The following VPS33B variants were observed in gnomAD, a reference collection of about 807,000 sequenced individuals.
VPS33B encodes the protein vacuolar protein sorting-associated protein 33B.
VPS33B carries 80 observed loss-of-function variants against 95.3 expected under a neutral mutation model. The ratio of observed to expected loss-of-function variants is 0.84; its 90% CI spans 0.70 to 1.01. VPS33B has a LOEUF of 1.01. VPS33B is among the 50% of genes least tolerant of loss of function. The pLI, the probability that VPS33B is intolerant of heterozygous loss-of-function variation, is 0.00. For synonymous variants in VPS33B, 280 were observed against 280.4 expected (o/e 1.00, Z 0.01); for missense variants, 715 against 773.4 (o/e 0.92, Z 0.90).
Position 91,010,918 on chromosome 15 carries a change from T to C in VPS33B, c.358-1072A>G, listed in dbSNP as rs76935633. ...CTAGATGAAACGATGAAGGTGGAGA[T>C]GAGGAAGCAGAAGCAGTGACAATAG... On this transcript the variant is annotated intron_variant, in intron 5 of 22. Transcript: ENST00000333371. The surrounding 1 kb of genome is among the most constrained non-coding windows in gnomAD (Gnocchi z 5.7). Among the ~76,000 whole-genome samples the C allele has an allele frequency of 0.094, 14,328 of 151,910 alleles. 758 individuals carry two copies. Among genetic ancestry groups the C allele is most frequent in the South Asian group, 0.13 (644 of 4,814 alleles).
Position 91,022,321 on chromosome 15 carries a change from A to C in VPS33B, c.-72T>G. The C allele has an allele frequency of 2.1e-6, 3 of 1,451,872 alleles. No individual in the cohort carries two copies. Among genetic ancestry groups the C allele is most frequent in the Non-Finnish European group, 2.8e-6 (3 of 1,080,574 alleles). 89.9% of individuals were successfully genotyped at this position (1,451,872 alleles called of 1,614,324 possible). On this transcript the variant is annotated 5_prime_UTR_variant, in exon 1 of 23. Coordinates refer to ENST00000333371, the MANE Select transcript of VPS33B (RefSeq NM_018668.5). ...GAGAAGGCCGGCCGCAGCCCAGGGA[A>C]GCGCAAGGGGGGCTATCCTTCAGGC...
At position 91,002,046 on chromosome 15, in the gene VPS33B, T is replaced by G; in HGVS notation, c.1405+4A>C. 1 of 1,613,778 alleles carries G rather than the reference T, an allele frequency of 6.2e-7. No homozygotes were observed. Among genetic ancestry groups the G allele is most frequent in the Non-Finnish European group, 8.5e-7 (1 of 1,180,028 alleles). On this transcript the variant is annotated splice_donor_region_variant and intron_variant, in intron 18 of 22. Coordinates refer to ENST00000333371, the MANE Select transcript of VPS33B (RefSeq NM_018668.5). This position sits in a 1 kb window ranked among gnomAD's most constrained non-coding sequence, Gnocchi z 4.7. ...AGCAGGGGTCACTTGTGCTCCCTGC[T>G]TACCTGCAGCCTTGTCGGTCACCAG...
At position 91,001,447 on chromosome 15, in the gene VPS33B, G is replaced by C. The variant is rs752374405; in HGVS notation, c.1421C>G (p.Ala474Gly). Residue 474 changes from alanine (A) to glycine (G), a missense_variant, in exon 19 of 23, where the codon GCC (alanine) becomes GGC (glycine). By Grantham distance (60) the Ala-to-Gly change is moderately conservative (BLOSUM62 0). Transcript: ENST00000333371. ...GCTCCTCTTGGCCAGAGAACTGAAGGCATCAGTAATCTTTCCTGGGGAAGA... is the reference window on the plus strand; with the variant it reads ...GCTCCTCTTGGCCAGAGAACTGAAGCCATCAGTAATCTTTCCTGGGGAAGA... ...TDKAAGKITDAFSSLAKRSNF... is the reference protein window; with the variant it reads ...TDKAAGKITDGFSSLAKRSNF... The C allele has an allele frequency of 5.0e-6, 8 of 1,614,016 alleles. No homozygotes were observed. The highest frequency in any genetic ancestry group is 6.8e-6 in the Non-Finnish European group (8 of 1,179,922).
chr15:91,016,927 A>G, intron 3 of VPS33B, 36 bp downstream of exon 3: 1 of 1,610,956 alleles, frequency 6.2e-7, no homozygotes, highest in Non-Finnish European at 8.5e-7. Context: ...GACCTCTTCC[A>G]GCTTGGAGTA....
intron 1 of VPS33B, among the ~76,000 whole-genome samples, chr15:91,021,072 C>T (rs2041088156): frequency 6.6e-6 from 1 of 152,074 alleles, no homozygotes; most frequent in Non-Finnish European, 1.5e-5. Flanking sequence ...ATCAACTTCC[C>T]CCATCAAACC....
Position 91,009,224 on chromosome 15 carries a change from G to C in VPS33B, c.403+577C>G, listed in dbSNP as rs189098501. 6.6e-5 allele frequency among the ~76,000 whole-genome samples: 10 copies of C among 152,168 alleles called. No homozygotes were observed. Among genetic ancestry groups the C allele is most frequent in the African/African-American group, 2.2e-4 (9 of 41,530 alleles). On this transcript the variant is annotated intron_variant, in intron 6 of 22. Coordinates refer to ENST00000333371, the MANE Select transcript of VPS33B (RefSeq NM_018668.5). The surrounding 1 kb of genome is among the most constrained non-coding windows in gnomAD (Gnocchi z 4.1). ...GTGTTCCTTTCATACTACCCCAGGA[G>C]TGTTCTTTTCTTATCCTTTCTTTTC...
Position 91,010,120 on chromosome 15 carries a change from C to T in VPS33B, c.358-274G>A, listed in dbSNP as rs191618549. 2.6e-5 allele frequency among the ~76,000 whole-genome samples: 4 copies of T among 152,296 alleles called. No homozygotes were observed. The highest frequency in any genetic ancestry group is 5.9e-5 in the Non-Finnish European group (4 of 68,034). On this transcript the variant is annotated intron_variant, in intron 5 of 22. Transcript: ENST00000333371. This position sits in a 1 kb window ranked among gnomAD's most constrained non-coding sequence, Gnocchi z 5.7. Reference sequence around the variant, plus strand: ...TACAAAGGAGAAGGAGTTCAGCTGTCTTCAAAAGGTAAGTTGTACAGACAG... The same window carrying T: ...TACAAAGGAGAAGGAGTTCAGCTGTTTTCAAAAGGTAAGTTGTACAGACAG...
At position 91,018,179 on chromosome 15, in the gene VPS33B, C is replaced by T. The variant is rs1026202353; in HGVS notation, c.97-294G>A. ...TCACCTGTGACCTTGGTCTGCACCT[C>T]ACTCCCCTTCTCTGCTGCCTCCTCC... On this transcript the variant is annotated intron_variant, in intron 1 of 22. Coordinates refer to ENST00000333371, the MANE Select transcript of VPS33B (RefSeq NM_018668.5). This position sits in a 1 kb window ranked among gnomAD's most constrained non-coding sequence, Gnocchi z 4.7. 30 of 443,114 alleles carry T rather than the reference C, an allele frequency of 6.8e-5. No homozygotes were observed. Among genetic ancestry groups the T allele is most frequent in the South Asian group, 6.0e-4 (29 of 48,244 alleles). 27.4% of individuals were successfully genotyped at this position (443,114 alleles called of 1,614,324 possible).
chr15:91,007,632 G>T lies in VPS33B; in HGVS notation c.499-59C>A. The T allele has an allele frequency of 6.3e-7, 1 of 1,579,494 alleles. No homozygotes were observed. The highest frequency in any genetic ancestry group is 8.7e-7 in the Non-Finnish European group (1 of 1,148,888). ...TCAACCCAGTAGGACCACCTGGAAAGTGGCTAGCCCTAGAAGCCCTGGAGC... is the reference window on the plus strand; with the variant it reads ...TCAACCCAGTAGGACCACCTGGAAATTGGCTAGCCCTAGAAGCCCTGGAGC... On this transcript the variant is annotated intron_variant, in intron 7 of 22. Coordinates refer to ENST00000333371, the MANE Select transcript of VPS33B (RefSeq NM_018668.5). The surrounding 1 kb of genome is among the most constrained non-coding windows in gnomAD (Gnocchi z 5.3).
At position 91,002,945 on chromosome 15, in the gene VPS33B, A is replaced by G. The variant is rs1478434691; in HGVS notation, c.1272+140T>C. ...GGCGTGCTGAAAGGTGACTCTCCCT[A>G]GTAGCTCTAAGAGGGAGGCCTGAAT... is the stretch of plus-strand genomic sequence containing the variant. On this transcript the variant is annotated intron_variant, in intron 17 of 22. Transcript: ENST00000333371. The surrounding 1 kb of genome is among the most constrained non-coding windows in gnomAD (Gnocchi z 4.7). The G allele has an allele frequency of 1.1e-6, 1 of 908,492 alleles. No individual in the cohort carries two copies. The highest frequency in any genetic ancestry group is 2.4e-5 in the East Asian group (1 of 41,566). 56.3% of individuals were successfully genotyped at this position (908,492 alleles called of 1,614,324 possible).
rs776351883 is a variant in VPS33B at position 91,004,894 on chromosome 15, A to C, written c.1208T>G (p.Leu403Trp). Residue 403 changes from leucine to tryptophan, a missense_variant, in exon 16 of 23, where the codon TTG (leucine) becomes TGG (tryptophan). Physicochemically the swap from Leu to Trp is moderately conservative, Grantham distance 61 (BLOSUM62 -2). Transcript: ENST00000333371. ...GGGCTCACCATTCTCAGTGATGGAC[A>C]AAAGGCACATGAGGCGCAGGCTTTC... ...PIESLRLMCL[L>W]SITENGLIPK... 3.1e-6 allele frequency: 5 copies of C among 1,614,050 alleles called. No homozygotes were observed. The highest frequency in any genetic ancestry group is 4.2e-6 in the Non-Finnish European group (5 of 1,180,028).
chr15:91,017,365 T>TTAAAAA (rs1555460460), intron 2 of VPS33B, among the ~76,000 whole-genome samples: 8 of 16,994 alleles, frequency 4.7e-4, no homozygotes, highest in East Asian at 2.4e-3. Flanking sequence ...TCTACAAAAT[T>TTAAAAA]AAATATATAT....
Position 90,999,667 on chromosome 15 carries a change from T to C in VPS33B, c.1774+10A>G. The C allele has an allele frequency of 6.2e-7, 1 of 1,613,666 alleles. No homozygotes were observed. The highest frequency in any genetic ancestry group is 8.5e-7 in the Non-Finnish European group (1 of 1,179,674). On this transcript the variant is annotated intron_variant, in intron 22 of 22. Transcript: ENST00000333371. The surrounding 1 kb of genome is among the most constrained non-coding windows in gnomAD (Gnocchi z 5.1). ...TGCAGGCCAATTCTCACCTTTCTGC[T>C]CTCTCTTACCTTTCTCTCTGCCCAG...
rs978025420 is a variant in VPS33B, at chr15:90,999,154, A to G, written c.1775-100T>C. ...AGTTCCACAGTCCCCACGGGATCAC[A>G]GCACCAGTTTATAGACAGAGACGTG... On this transcript the variant is annotated intron_variant, in intron 22 of 22. Coordinates refer to ENST00000333371, the MANE Select transcript of VPS33B (RefSeq NM_018668.5). The surrounding 1 kb of genome is among the most constrained non-coding windows in gnomAD (Gnocchi z 5.1). 14 of 1,092,042 alleles carry G rather than the reference A, an allele frequency of 1.3e-5. No individual in the cohort carries two copies. In the East Asian group the frequency reaches 3.2e-4, roughly 25 times the overall value. The allele number at this position is 1,092,042 out of a possible 1,614,324, so 67.6% of individuals were successfully genotyped here.
chr15:91,007,474 C>T lies in VPS33B; in HGVS notation c.598G>A (p.Ala200Thr), dbSNP rs142610315. The T allele has an allele frequency of 2.9e-5, 47 of 1,614,028 alleles. No homozygotes were observed. The highest frequency in any genetic ancestry group is 4.5e-5 in the East Asian group (2 of 44,898). The change falls in exon 8 of 23, where the codon GCC (alanine) becomes ACC (threonine). Residue 200 changes from alanine (A) to threonine (T), a missense_variant. Coordinates refer to ENST00000333371, the MANE Select transcript of VPS33B (RefSeq NM_018668.5). The surrounding 1 kb of genome is among the most constrained non-coding windows in gnomAD (Gnocchi z 5.3). ...AGTACTGCTAGTGCTCTTACCTTGG[C>T]GCACCTGCCAATTCCATAGCAGTTT... Reference protein sequence around the residue: ...FPNCYGIGRCAKMAYELWRNL... With the variant: ...FPNCYGIGRCTKMAYELWRNL...
chr15:91,001,991 C>G, intron 18 of VPS33B, 59 bp downstream of exon 18: 2 of 1,611,616 alleles, frequency 1.2e-6, no homozygotes, highest in East Asian at 2.2e-5. Flanking sequence ...CAGCATGCTG[C>G]GTGTTGAGAG....
intron 1 of VPS33B, among the ~76,000 whole-genome samples, chr15:91,021,853 C>T (rs2041111848): frequency 6.6e-6 from 1 of 152,226 alleles, no homozygotes; most frequent in Admixed American, 6.5e-5. Flanking sequence ...ACAGCTCCTA[C>T]TGGAGTGGTA....
chr15:91,014,766 A>T (rs2040876902), intron 3 of VPS33B, among the ~76,000 whole-genome samples: 1 of 152,234 alleles, frequency 6.6e-6, no homozygotes, highest in South Asian at 2.1e-4. Context: ...AGAATACCCC[A>T]TAAAAATATA....
Position 91,017,892 on chromosome 15 carries a change from G to A in VPS33B, c.97-7C>T, listed in dbSNP as rs369105211. Reference sequence around the variant, plus strand: ...AATCCTTTTTTCCAGGAAGCTGAAGGAGACACAATATGTTGGGTCACTCAC... The same window carrying A: ...AATCCTTTTTTCCAGGAAGCTGAAGAAGACACAATATGTTGGGTCACTCAC... On this transcript the variant is annotated splice_region_variant and splice_polypyrimidine_tract_variant and intron_variant, in intron 1 of 22. Coordinates refer to ENST00000333371, the MANE Select transcript of VPS33B (RefSeq NM_018668.5). The A allele has an allele frequency of 1.5e-5, 25 of 1,613,902 alleles. No homozygotes were observed. The highest frequency in any genetic ancestry group is 1.9e-5 in the Non-Finnish European group (23 of 1,179,942).
Sources: gnomAD v4.1 joint callset for allele counts (sites outside exome capture counted in the v4.1 genomes callset) on GRCh38, gnomAD v4.1.1 for gene constraint, Gnocchi (gnomAD v3.1) non-coding constraint, MANE v1.5 for transcripts, NCBI Gene and HGNC (gene_info 2026-07-23, HGNC 2026-07-21) for gene names.